LRRC18: variants seen among roughly 807,000 people sequenced by gnomAD.
LRRC18 encodes the protein leucine rich repeat containing 18, also known as leucine-rich repeat-containing protein 18.
LRRC18 carries 12 observed loss-of-function variants against 11.2 expected under a neutral mutation model. The ratio of observed to expected loss-of-function variants is 1.07; its 90% CI spans 0.69 to 1.74. The LOEUF is 1.74. Ranked by LOEUF, LRRC18 falls within the 40% of genes most tolerant of loss-of-function variation. The pLI, the probability that LRRC18 is intolerant of heterozygous loss-of-function variation, is 0.00. For synonymous variants in LRRC18, 155 were observed against 130.6 expected (o/e 1.19, Z -1.27); for missense variants, 374 against 330.5 (o/e 1.13, Z -1.02).
chr10:48,932,249 G>T, the LRRC18 span, among the ~76,000 whole-genome samples: 1 of 152,172 alleles, frequency 6.6e-6, no homozygotes, highest in African/African-American at 2.4e-5. Flanking sequence ...GAATGCTGGT[G>T]GAGTCACCAG....
the LRRC18 span, among the ~76,000 whole-genome samples, chr10:48,924,526 G>C: frequency 6.6e-6 from 1 of 152,234 alleles, no homozygotes; most frequent in Non-Finnish European, 1.5e-5. Flanking sequence ...ATTTATGTAT[G>C]GTTGGATGGA....
At chr10:48,918,521 C>T (rs1323907705), upstream of LRRC18, among the ~76,000 whole-genome samples, 1 of 151,728 alleles carries the variant, frequency 6.6e-6, no homozygotes, top group African/African-American at 2.4e-5. Flanking sequence ...ACCAATAGGA[C>T]AAAAAAATCC....
exon 2 of LRRC18, chr10:48,910,147 C>G: frequency 8.2e-7 from 1 of 1,219,634 alleles, no homozygotes; most frequent in Non-Finnish European, 1.2e-6. Flanking sequence ...TCTCACTTGC[C>G]ACTCTGTCTT....
chr10:48,914,770 C>A (rs967498214), upstream of LRRC18, among the ~76,000 whole-genome samples: 6 of 152,210 alleles, frequency 3.9e-5, no homozygotes, highest in Non-Finnish European at 8.8e-5. Flanking sequence ...TACAGTCCAA[C>A]AGTAGCCATG....
the LRRC18 span, among the ~76,000 whole-genome samples, chr10:48,920,819 A>G: frequency 6.6e-6 from 1 of 152,264 alleles, no homozygotes; most frequent in African/African-American, 2.4e-5. Context: ...GCCATAGGAT[A>G]CAAGGTTAGC....
chr10:48,934,977 T>C, the LRRC18 span, among the ~76,000 whole-genome samples: 2 of 152,138 alleles, frequency 1.3e-5, no homozygotes, highest in East Asian at 3.9e-4. Context: ...TGACTGGGGC[T>C]CAGGCAAGCT....
the LRRC18 span, among the ~76,000 whole-genome samples, chr10:48,939,691 A>G: frequency 6.6e-6 from 1 of 152,252 alleles, no homozygotes. Flanking sequence ...GAGTTCTGTA[A>G]TCACCTTCAG....
At chr10:48,918,750 G>A (rs914212005), upstream of LRRC18, among the ~76,000 whole-genome samples, 1 of 68,062 alleles carries the variant, frequency 1.5e-5, no homozygotes, top group Non-Finnish European at 3.9e-5. Flanking sequence ...TTGTCAGCAG[G>A]GGGTAGGATG....
the LRRC18 span, among the ~76,000 whole-genome samples, chr10:48,926,507 C>T: frequency 1.3e-5 from 2 of 152,280 alleles, no homozygotes; most frequent in Non-Finnish European, 1.5e-5. Flanking sequence ...TAGCCAAAGT[C>T]CCTGCAGAGG....
At chr10:48,925,048 T>C in the LRRC18 span, among the ~76,000 whole-genome samples, 1 of 152,376 alleles carries the variant, frequency 6.6e-6, no homozygotes, top group East Asian at 1.9e-4. Flanking sequence ...ACTAGCTTTG[T>C]AGGCAGTTTC....
upstream of LRRC18, among the ~76,000 whole-genome samples, chr10:48,915,677 A>G (rs555290756): frequency 6.4e-4 from 97 of 152,244 alleles, no homozygotes; most frequent in African/African-American, 2.2e-3. Context: ...TCTCACACCT[A>G]CTGAAAATCC....
exon 2 of LRRC18, chr10:48,909,996 C>T: frequency 1.9e-6 from 1 of 530,322 alleles, no homozygotes; most frequent in Non-Finnish European, 3.4e-6. Flanking sequence ...AAATTTTTTT[C>T]TATATACATT....
At chr10:48,925,937 T>C in the LRRC18 span, among the ~76,000 whole-genome samples, 1 of 152,210 alleles carries the variant, frequency 6.6e-6, no homozygotes, top group African/African-American at 2.4e-5. Context: ...ATATTTTTAC[T>C]ATAAGAGAAT....
At chr10:48,910,394 T>G in intron 1 of LRRC18, 136 bp from the exon 4 acceptor site, 1 of 753,522 alleles carries the variant, frequency 1.3e-6, no homozygotes, top group Non-Finnish European at 2.4e-6. Flanking sequence ...AATGGGGGTT[T>G]TGTTGTATTT....
At chr10:48,910,844 G>A (rs1285495938) in intron 1 of LRRC18, 2 of 909,064 alleles carry the variant, frequency 2.2e-6, no homozygotes, top group African/African-American at 3.6e-5. Context: ...TGCTGCAGCG[G>A]GGAAGGGAGG....
the LRRC18 span, among the ~76,000 whole-genome samples, chr10:48,938,721 G>T: frequency 6.6e-6 from 1 of 152,158 alleles, no homozygotes; most frequent in Admixed American, 6.5e-5. Context: ...CGTCTGGGGG[G>T]GTAAAGGACA....
chr10:48,931,096 AACACACACACACACACAC>A, the LRRC18 span, among the ~76,000 whole-genome samples: 27 of 150,362 alleles, frequency 1.8e-4, 1 homozygote, highest in East Asian at 7.8e-4. Context: ...CTCACACTCA[AACACACACACACACACAC>A]ACACACACAC....
At chr10:48,936,633 C>T in the LRRC18 span, among the ~76,000 whole-genome samples, 50 of 151,798 alleles carry the variant, frequency 3.3e-4, no homozygotes, top group East Asian at 7.4e-3. Flanking sequence ...GTCTGGAGAT[C>T]GAGACCATCC....
chr10:48,916,543 G>A (rs1401614885), upstream of LRRC18, among the ~76,000 whole-genome samples: 1 of 152,124 alleles, frequency 6.6e-6, no homozygotes, highest in African/African-American at 2.4e-5. Flanking sequence ...CTACCCTACT[G>A]CCACTTGGCT....
Sources: gnomAD v4.1 joint callset for allele counts (sites outside exome capture counted in the v4.1 genomes callset) on GRCh38, gnomAD v4.1.1 for gene constraint, MANE v1.5 for transcripts, NCBI Gene and HGNC (gene_info 2026-07-23, HGNC 2026-07-21) for gene names.